The following CNTNAP2 variants were observed in gnomAD, a reference collection of about 807,000 sequenced individuals.
The protein encoded by CNTNAP2 is contactin-associated protein-like 2.
In CNTNAP2, 98 loss-of-function variants were observed where a neutral mutation model predicts 155.2. That is an observed-to-expected ratio of 0.63 (90% CI 0.54 to 0.75). The LOEUF is 0.75. CNTNAP2 is among the 30% of genes least tolerant of loss of function. The pLI is 0.00. For missense variants in CNTNAP2, 1,727 were observed against 1,688.1 expected (o/e 1.02, Z -0.40); for synonymous variants, 651 against 631.2 (o/e 1.03, Z -0.47).
intron 13 of CNTNAP2, among the ~76,000 whole-genome samples, chr7:147,889,128 C>CTA (rs1290579546): frequency 6.6e-6 from 1 of 151,478 alleles, no homozygotes; most frequent in Non-Finnish European, 1.5e-5. Context: ...AGGGTATCTA[C>CTA]TAAAAGAATG....
chr7:147,221,201 T>C (rs772157161), intron 8 of CNTNAP2, among the ~76,000 whole-genome samples: 4 of 152,226 alleles, frequency 2.6e-5, no homozygotes, highest in African/African-American at 9.6e-5. Flanking sequence ...ATTTTACTTA[T>C]ATGTAAGTAT....
chr7:146,504,628 G>GCT (rs1797354842), intron 1 of CNTNAP2, among the ~76,000 whole-genome samples: 1 of 152,296 alleles, frequency 6.6e-6, no homozygotes, highest in Non-Finnish European at 1.5e-5. Flanking sequence ...TACGACACCT[G>GCT]CTCCAGGGAT....
At chr7:146,742,799 G>C (rs948917119) in intron 1 of CNTNAP2, among the ~76,000 whole-genome samples, 1 of 152,160 alleles carries the variant, frequency 6.6e-6, no homozygotes, top group Non-Finnish European at 1.5e-5. Flanking sequence ...AAACGAGCTA[G>C]TATTTAGTTG....
chr7:146,362,160 CTACTT>C (rs1478612577), intron 1 of CNTNAP2, among the ~76,000 whole-genome samples: 1 of 152,098 alleles, frequency 6.6e-6, no homozygotes, highest in Non-Finnish European at 1.5e-5. Flanking sequence ...GAAATAAAAA[CTACTT>C]TACTATATGT....
chr7:148,030,121 T>C (rs1802448359), intron 15 of CNTNAP2, among the ~76,000 whole-genome samples: 2 of 152,190 alleles, frequency 1.3e-5, no homozygotes, highest in South Asian at 2.1e-4. Context: ...CTGTCTGTGT[T>C]GCTTTCCGGC....
intron 16 of CNTNAP2, among the ~76,000 whole-genome samples, chr7:148,121,101 C>A (rs1271739728): frequency 1.3e-5 from 2 of 151,958 alleles, no homozygotes; most frequent in Admixed American, 1.3e-4. Flanking sequence ...GTGGTGCAAT[C>A]TCAGCTCACT....
chr7:146,417,811 C>T (rs950959167), intron 1 of CNTNAP2, among the ~76,000 whole-genome samples: 33 of 151,978 alleles, frequency 2.2e-4, no homozygotes, highest in Non-Finnish European at 4.4e-5. Flanking sequence ...AATTAGGTAC[C>T]AGGCTATTGT....
intron 13 of CNTNAP2, among the ~76,000 whole-genome samples, chr7:147,787,210 A>G (rs574207278): frequency 3.8e-4 from 58 of 152,344 alleles, no homozygotes; most frequent in African/African-American, 1.3e-3. Flanking sequence ...AAACATCAGC[A>G]CTGGTACTGC....
chr7:147,563,866 T>C (rs534158682), intron 12 of CNTNAP2, among the ~76,000 whole-genome samples: 1 of 152,004 alleles, frequency 6.6e-6, no homozygotes, highest in African/African-American at 2.4e-5. Context: ...CCATGAATGG[T>C]ACTCTAGGCA....
chr7:147,547,676 A>G (rs1276086235), intron 11 of CNTNAP2, among the ~76,000 whole-genome samples: 2 of 152,014 alleles, frequency 1.3e-5, no homozygotes, highest in African/African-American at 2.4e-5. Flanking sequence ...CATGTGCAGA[A>G]CATGCAGGTT....
intron 1 of CNTNAP2, among the ~76,000 whole-genome samples, chr7:146,685,172 C>T (rs1407647887): frequency 6.6e-6 from 1 of 152,052 alleles, no homozygotes; most frequent in Non-Finnish European, 1.5e-5. Context: ...GAAACCCAAA[C>T]GAGTTGACAT....
intron 1 of CNTNAP2, among the ~76,000 whole-genome samples, chr7:146,746,555 G>A (rs1801812674): frequency 6.6e-6 from 1 of 151,990 alleles, no homozygotes; most frequent in Non-Finnish European, 1.5e-5. Context: ...TCAAAAATTG[G>A]AAAATATGAA....
chr7:147,654,097 C>T (rs1458537281), intron 13 of CNTNAP2, among the ~76,000 whole-genome samples: 1 of 152,064 alleles, frequency 6.6e-6, no homozygotes, highest in African/African-American at 2.4e-5. Context: ...TATAAGAAAT[C>T]TTAATGAAAT....
chr7:147,349,772 A>G (rs913761927), intron 9 of CNTNAP2, among the ~76,000 whole-genome samples: 1 of 151,932 alleles, frequency 6.6e-6, no homozygotes, highest in Non-Finnish European at 1.5e-5. Flanking sequence ...TGGTGAGTTT[A>G]AAGTTTGGAA....
In CNTNAP2 at chr7:148,369,382, C is replaced by T. The variant is rs149883355; in HGVS notation, c.3476-14267C>T. ...CCTGGCTAATTTGTGCCACTACACC[C>T]GGCTAATTTGTGCCACTACACCTGG... On this transcript the variant is annotated intron_variant, in intron 21 of 23. Coordinates refer to ENST00000361727, the MANE Select transcript of CNTNAP2 (RefSeq NM_014141.6). 2.0e-3 allele frequency among the ~76,000 whole-genome samples: 301 copies of T among 151,104 alleles called. 2 individuals are homozygous for T. The highest frequency in any genetic ancestry group is 6.4e-3 in the African/African-American group (263 of 41,232).
intron 3 of CNTNAP2, among the ~76,000 whole-genome samples, chr7:146,946,845 T>A (rs956933034): frequency 2.7e-5 from 4 of 150,534 alleles, no homozygotes; most frequent in African/African-American, 5.0e-5. Context: ...TTCACTCACC[T>A]AATATTAGAT....
intron 13 of CNTNAP2, among the ~76,000 whole-genome samples, chr7:147,847,411 C>T (rs1276630948): frequency 0.013 from 1,511 of 120,600 alleles, 58 homozygotes; most frequent in African/African-American, 0.046. Flanking sequence ...CTTCTGCATT[C>T]TTCACGTAGT....
At chr7:146,613,344 A>C (rs1485641814) in intron 1 of CNTNAP2, among the ~76,000 whole-genome samples, 1 of 152,184 alleles carries the variant, frequency 6.6e-6, no homozygotes, top group African/African-American at 2.4e-5. Flanking sequence ...TTAATTTCTT[A>C]TCTCCAAATT....
intron 14 of CNTNAP2, among the ~76,000 whole-genome samples, chr7:147,958,753 C>T (rs2708248): frequency 0.38 from 57,399 of 152,004 alleles, 13,161 homozygotes; most frequent in Middle Eastern, 0.65. Flanking sequence ...AGGAGTCAGA[C>T]GTATATTCTA....
Sources: allele counts gnomAD v4.1 joint callset (sites outside exome capture counted in the v4.1 genomes callset), GRCh38; gene constraint gnomAD v4.1.1; transcripts MANE v1.5; gene names NCBI Gene and HGNC (gene_info 2026-07-23, HGNC 2026-07-21).